Variants in PCDH19 observed in about 807,000 individuals in gnomAD.
PCDH19 encodes protocadherin-19.
A neutral mutation model predicts 46.2 loss-of-function variants in PCDH19; 6 were observed. The observed-to-expected ratio is 0.13, with a 90% confidence interval of 0.07 to 0.26. The LOEUF (loss-of-function observed/expected upper bound fraction) is 0.26. Among genes scored for constraint, PCDH19 ranks in the 10% least tolerant of loss-of-function variants. The probability of loss-of-function intolerance (pLI) is 1.00; values close to 1 mark genes in which losing one functional copy is unlikely to be tolerated. For synonymous variants in PCDH19, 481 were observed against 415.7 expected (o/e 1.16, Z -1.91); for missense variants, 740 against 972.3 (o/e 0.76, Z 3.18).
At chrX:100,309,407 T>G (rs1217220742) in intron 5 of PCDH19, among the ~76,000 whole-genome samples, 1 of 111,249 alleles carries the variant, frequency 9.0e-6, no homozygotes, top group East Asian at 2.8e-4. Context: ...GTGTGAGAGA[T>G]AAAAGACTGC....
At chrX:100,369,002 G>T (rs1602612268) in intron 3 of PCDH19, among the ~76,000 whole-genome samples, 1 of 111,526 alleles carries the variant, frequency 9.0e-6, no homozygotes, top group African/African-American at 3.3e-5. Context: ...AAAAGAATAA[G>T]GTGGTCAACC....
chrX:100,319,928 G>A (rs1203944257), intron 5 of PCDH19, among the ~76,000 whole-genome samples: 1 of 112,094 alleles, frequency 8.9e-6, no homozygotes, highest in Non-Finnish European at 1.9e-5. Flanking sequence ...GAAGGAAGAT[G>A]AGAACATGAA....
intron 3 of PCDH19, among the ~76,000 whole-genome samples, chrX:100,373,924 C>A (rs979017182): frequency 2.7e-5 from 3 of 112,188 alleles, no homozygotes; most frequent in Non-Finnish European, 5.6e-5. Flanking sequence ...TATTTAGCTT[C>A]TCTTTTTAAC....
chrX:100,408,396 C>A lies in PCDH19; in HGVS notation c.202G>T (p.Ala68Ser). The change falls in exon 1 of 6, where the codon GCT (alanine) becomes TCT (serine). Residue 68 changes from alanine to serine, a missense_variant. Transcript: ENST00000373034. ...ASAFRVVSNSAPHLVDINPSS... is the reference protein window; with the variant it reads ...ASAFRVVSNSSPHLVDINPSS... Reference sequence around the variant, plus strand: ...GGATTGATGTCCACTAGGTGTGGAGCCGAGTTGGACACCACGCGAAAGGCT... The same window carrying A: ...GGATTGATGTCCACTAGGTGTGGAGACGAGTTGGACACCACGCGAAAGGCT... The A allele has an allele frequency of 8.3e-7, 1 of 1,208,036 alleles. No homozygotes were observed. The highest frequency in any genetic ancestry group is 1.1e-6 in the Non-Finnish European group (1 of 894,326).
At chrX:100,388,089 C>A (rs945363591) in intron 3 of PCDH19, among the ~76,000 whole-genome samples, 1 of 110,593 alleles carries the variant, frequency 9.0e-6, no homozygotes, top group Admixed American at 9.6e-5. Context: ...AAAAGTATAC[C>A]ATTTAAAAAG....
chrX:100,347,791 G>A (rs1031099886), intron 4 of PCDH19, among the ~76,000 whole-genome samples: 2 of 110,610 alleles, frequency 1.8e-5, no homozygotes, highest in Admixed American at 1.9e-4. Flanking sequence ...AGCCAGGCAC[G>A]GTGGCTCACA....
intron 5 of PCDH19, among the ~76,000 whole-genome samples, chrX:100,308,130 C>T (rs757382036): frequency 6.3e-5 from 7 of 111,081 alleles, no homozygotes; most frequent in East Asian, 2.8e-4. Flanking sequence ...TCAGATTACC[C>T]GACTAGAACT....
At chrX:100,393,033 A>G (rs1043874484) in intron 3 of PCDH19, among the ~76,000 whole-genome samples, 2 of 111,544 alleles carry the variant, frequency 1.8e-5, no homozygotes, top group Non-Finnish European at 3.8e-5. Context: ...ATTGTGCCCA[A>G]AAGAAACAAA....
chrX:100,335,624 T>C (rs771160956), intron 5 of PCDH19, among the ~76,000 whole-genome samples: 13 of 111,998 alleles, frequency 1.2e-4, no homozygotes, highest in Non-Finnish European at 2.4e-4. Flanking sequence ...TTTTTTAAAA[T>C]AGAATTATTC....
chrX:100,393,052 G>A (rs1371324988), intron 3 of PCDH19, among the ~76,000 whole-genome samples: 1 of 111,617 alleles, frequency 9.0e-6, no homozygotes, highest in Non-Finnish European at 1.9e-5. Context: ...AAAAGAGAAA[G>A]CAAGCCTCAG....
chrX:100,377,724 C>A (rs184236748), intron 3 of PCDH19, among the ~76,000 whole-genome samples: 1 of 111,832 alleles, frequency 8.9e-6, no homozygotes, highest in Admixed American at 9.5e-5. Flanking sequence ...TTCGATACTA[C>A]GCAGCACTGA....
At chrX:100,401,332 C>T (rs183859508) in intron 3 of PCDH19, among the ~76,000 whole-genome samples, 5 of 112,086 alleles carry the variant, frequency 4.5e-5, no homozygotes, top group Non-Finnish European at 1.9e-5. Context: ...AGCCAGCAAA[C>T]ATCTGACCAC....
chrX:100,352,019 G>A (rs1303313844), intron 3 of PCDH19, among the ~76,000 whole-genome samples: 70 of 112,418 alleles, frequency 6.2e-4, no homozygotes, highest in Non-Finnish European at 1.7e-4. Flanking sequence ...CCCCAACATT[G>A]CCCTGCACTT....
At chrX:100,359,749 T>C (rs1321965970) in intron 3 of PCDH19, among the ~76,000 whole-genome samples, 1 of 109,309 alleles carries the variant, frequency 9.1e-6, no homozygotes, top group Non-Finnish European at 1.9e-5. Context: ...TACACATATA[T>C]ACATATACAT....
Position 100,397,314 on chromosome X carries a change from TTGGCTGCCACACAC to T in PCDH19, c.2616+5196_2616+5209del, listed in dbSNP as rs1375413415. Among the ~76,000 whole-genome samples the T allele has an allele frequency of 2.7e-5, 3 of 112,259 alleles. No homozygotes were observed. In the Admixed American group the frequency reaches 2.8e-4, roughly 11 times the overall value. ...TGTAGGATAATTGGAAGCATTCAAT[TTGGCTGCCACACAC>T]ATTCTTGTTCTGCAAGCTCTTCCAC... On this transcript the variant is annotated intron_variant, in intron 3 of 5. Coordinates refer to ENST00000373034, the MANE Select transcript of PCDH19 (RefSeq NM_001184880.2).
At chrX:100,399,713 G>C (rs1294325289) in intron 3 of PCDH19, among the ~76,000 whole-genome samples, 1 of 111,546 alleles carries the variant, frequency 9.0e-6, no homozygotes, top group Non-Finnish European at 1.9e-5. Context: ...TTTGCCAGTT[G>C]AACTCTCCAG....
chrX:100,364,254 A>T (rs1927010518), intron 3 of PCDH19, among the ~76,000 whole-genome samples: 1 of 111,799 alleles, frequency 8.9e-6, no homozygotes, highest in Non-Finnish European at 1.9e-5. Context: ...TCTATGATCC[A>T]ACTCAGGACC....
At chrX:100,386,363 A>G (rs1297843221) in intron 3 of PCDH19, among the ~76,000 whole-genome samples, 1 of 111,096 alleles carries the variant, frequency 9.0e-6, no homozygotes, top group Non-Finnish European at 1.9e-5. Flanking sequence ...CCAGTCCAAA[A>G]CCCTCACTGA....
chrX:100,325,430 C>T (rs1043746477), intron 5 of PCDH19, among the ~76,000 whole-genome samples: 5 of 96,718 alleles, frequency 5.2e-5, no homozygotes, highest in East Asian at 7.0e-4. Context: ...AGTGCAGTGG[C>T]GAGGTCTCGG....
Sources: allele counts gnomAD v4.1 joint callset (sites outside exome capture counted in the v4.1 genomes callset), GRCh38; gene constraint gnomAD v4.1.1; transcripts MANE v1.5; gene names NCBI Gene and HGNC (gene_info 2026-07-23, HGNC 2026-07-21).